ARHGAP6: variants seen among roughly 807,000 people sequenced by gnomAD.
ARHGAP6 encodes Rho GTPase activating protein 6.
A neutral mutation model predicts 55.7 loss-of-function variants in ARHGAP6; 16 were observed. That is an observed-to-expected ratio of 0.29 (90% CI 0.19 to 0.44). The LOEUF is 0.44. Ranked by LOEUF, ARHGAP6 falls within the 20% of genes least tolerant of loss-of-function variation. The pLI, the probability that ARHGAP6 is intolerant of heterozygous loss-of-function variation, is 1.00. For missense variants in ARHGAP6, 698 were observed against 808.9 expected (o/e 0.86, Z 1.66); for synonymous variants, 382 against 360.9 (o/e 1.06, Z -0.66).
At chrX:11,428,160 T>C (rs1458364282) in intron 1 of ARHGAP6, among the ~76,000 whole-genome samples, 3 of 112,301 alleles carry the variant, frequency 2.7e-5, no homozygotes, top group Non-Finnish European at 5.6e-5. Context: ...GGCCTGACAG[T>C]GGAAGGAGAT....
intron 1 of ARHGAP6, among the ~76,000 whole-genome samples, chrX:11,279,483 G>C (rs1181871588): frequency 9.0e-6 from 1 of 111,545 alleles, no homozygotes; most frequent in Non-Finnish European, 1.9e-5. Context: ...GGAACAGAGA[G>C]AGACAACCAA....
intron 1 of ARHGAP6, among the ~76,000 whole-genome samples, chrX:11,443,756 A>G (rs2050064915): frequency 9.0e-6 from 1 of 111,096 alleles, no homozygotes; most frequent in Non-Finnish European, 1.9e-5. Flanking sequence ...GTGAAACCTC[A>G]TCTCTACTAA....
At chrX:11,174,104 T>A (rs1314076221) in intron 8 of ARHGAP6, among the ~76,000 whole-genome samples, 1 of 112,170 alleles carries the variant, frequency 8.9e-6, no homozygotes, top group East Asian at 2.8e-4. Context: ...TACCTGCTCA[T>A]GCCAAATCAA....
chrX:11,545,672 A>C (rs1421263086), intron 1 of ARHGAP6, among the ~76,000 whole-genome samples: 3 of 111,752 alleles, frequency 2.7e-5, no homozygotes, highest in Non-Finnish European at 3.8e-5. Flanking sequence ...AATGACAACA[A>C]GAGAGTTAGT....
chrX:11,469,994 G>A (rs2050332308), intron 1 of ARHGAP6, among the ~76,000 whole-genome samples: 2 of 111,528 alleles, frequency 1.8e-5, no homozygotes, highest in Admixed American at 1.9e-4. Flanking sequence ...GAACATCAGT[G>A]CAGAAGGGAT....
At chrX:11,199,708 G>A (rs1193400720) in intron 2 of ARHGAP6, among the ~76,000 whole-genome samples, 3 of 112,372 alleles carry the variant, frequency 2.7e-5, no homozygotes, top group Non-Finnish European at 3.8e-5. Context: ...TACAGGCAAA[G>A]TATGATCTTT....
At chrX:11,514,161 CAAAA>C (rs1156613318) in intron 1 of ARHGAP6, among the ~76,000 whole-genome samples, 21 of 35,781 alleles carry the variant, frequency 5.9e-4, no homozygotes, top group African/African-American at 2.3e-3. Flanking sequence ...AACCCTGTCT[CAAAA>C]AAAAAAAAAA....
intron 1 of ARHGAP6, among the ~76,000 whole-genome samples, chrX:11,525,016 C>T (rs2050974753): frequency 1.8e-5 from 2 of 111,127 alleles, no homozygotes; most frequent in East Asian, 2.8e-4. Context: ...AGAGCTCAAG[C>T]GGTAATACAA....
At chrX:11,416,870 A>G (rs1367671245) in intron 1 of ARHGAP6, among the ~76,000 whole-genome samples, 1 of 107,858 alleles carries the variant, frequency 9.3e-6, no homozygotes, top group African/African-American at 3.4e-5. Flanking sequence ...CGGTCCAGAA[A>G]TGGATGTGCC....
intron 1 of ARHGAP6, among the ~76,000 whole-genome samples, chrX:11,320,766 TACACACACAC>T (rs56815077): frequency 0.012 from 992 of 85,650 alleles, 11 homozygotes; most frequent in African/African-American, 0.036. Context: ...AATATCTCTT[TACACACACAC>T]ACACACACAC....
chrX:11,517,607 A>G (rs1201082548), intron 1 of ARHGAP6, among the ~76,000 whole-genome samples: 2 of 111,472 alleles, frequency 1.8e-5, no homozygotes, highest in African/African-American at 6.5e-5. Context: ...GTTTAAAATC[A>G]TCAAGCAGTA....
At chrX:11,389,273 C>G (rs766839437) in intron 1 of ARHGAP6, among the ~76,000 whole-genome samples, 3 of 112,120 alleles carry the variant, frequency 2.7e-5, no homozygotes, top group Non-Finnish European at 3.8e-5. Context: ...CTAATACTCT[C>G]TATAATAACT....
chrX:11,215,874 G>A (rs1208753343), intron 2 of ARHGAP6, among the ~76,000 whole-genome samples: 2 of 112,247 alleles, frequency 1.8e-5, no homozygotes, highest in Non-Finnish European at 3.8e-5. Flanking sequence ...CACCTTGCAC[G>A]TGCTAAGATG....
rs943088846 is a variant in ARHGAP6, at chrX:11,660,524, C to A, written c.588+3717G>T. Among the ~76,000 whole-genome samples, 3 of 52,724 alleles carry A rather than the reference C, an allele frequency of 5.7e-5. No homozygotes were observed. In the Admixed American group the frequency reaches 1.0e-3, roughly 18 times the overall value. 45.8% of individuals were successfully genotyped at this position (52,724 alleles called of 115,157 possible). A position where few individuals can be genotyped will look rare whatever the true frequency, so the allele number is the denominator to read the frequency against. ...CCTGGGCAACAGGGTGAGACTCTCT[C>A]TCTCTCAAAAAAAAAAAAAAAAAAA... On this transcript the variant is annotated intron_variant, in intron 1 of 12. Transcript: ENST00000337414.
chrX:11,177,107 T>C (rs2046237022), intron 8 of ARHGAP6, among the ~76,000 whole-genome samples: 1 of 111,809 alleles, frequency 8.9e-6, no homozygotes, highest in Non-Finnish European at 1.9e-5. Context: ...CCCCTTCTTA[T>C]TGATTTACAG....
intron 1 of ARHGAP6, among the ~76,000 whole-genome samples, chrX:11,647,843 A>T (rs2052545631): frequency 8.9e-6 from 1 of 112,224 alleles, no homozygotes; most frequent in South Asian, 3.7e-4. Context: ...AAACCGAGGG[A>T]CATTCTACAA....
At chrX:11,185,588 G>A (rs1156378314) in intron 5 of ARHGAP6, among the ~76,000 whole-genome samples, 1 of 111,799 alleles carries the variant, frequency 8.9e-6, no homozygotes, top group Non-Finnish European at 1.9e-5. Flanking sequence ...AAACACTATA[G>A]CATACAAACT....
intron 1 of ARHGAP6, among the ~76,000 whole-genome samples, chrX:11,288,523 G>T (rs1042353219): frequency 8.9e-6 from 1 of 111,916 alleles, no homozygotes; most frequent in Non-Finnish European, 1.9e-5. Context: ...CATACCATAA[G>T]ATTCACCACT....
chrX:11,619,736 G>T (rs1027820585), intron 1 of ARHGAP6, among the ~76,000 whole-genome samples: 3 of 112,121 alleles, frequency 2.7e-5, no homozygotes, highest in Admixed American at 1.9e-4. Flanking sequence ...CCTCCTAACA[G>T]TTGTCCTCCC....
Sources: gnomAD v4.1 joint callset for allele counts (sites outside exome capture counted in the v4.1 genomes callset) on GRCh38, gnomAD v4.1.1 for gene constraint, MANE v1.5 for transcripts, NCBI Gene and HGNC (gene_info 2026-07-23, HGNC 2026-07-21) for gene names.